NCOA2: variants seen among roughly 807,000 people sequenced by gnomAD.
The protein encoded by NCOA2 is nuclear receptor coactivator 2.
Under a neutral mutation model 145.1 loss-of-function variants are expected in NCOA2, and 21 were observed. That is an observed-to-expected ratio of 0.14 (90% confidence interval 0.10 to 0.21). The LOEUF is 0.21. Ranked by LOEUF, NCOA2 falls within the 10% of genes least tolerant of loss-of-function variation. The pLI is 1.00. For synonymous variants in NCOA2, 619 were observed against 637.5 expected, an observed-to-expected ratio of 0.97 and a Z score of 0.44; for missense variants, 1,472 against 1,837.6, an observed-to-expected ratio of 0.80 and a Z score of 3.64.
intron 1 of NCOA2, among the ~76,000 whole-genome samples, chr8:70,355,134 C>A (rs750300509): frequency 2.6e-5 from 4 of 152,212 alleles, no homozygotes; most frequent in Non-Finnish European, 5.9e-5. Flanking sequence ...AATTGTACTT[C>A]TATCTCTATT....
chr8:70,228,397 G>A (rs987594194), intron 2 of NCOA2, among the ~76,000 whole-genome samples: 2 of 152,190 alleles, frequency 1.3e-5, no homozygotes, highest in South Asian at 2.1e-4. Context: ...GACAAACTTT[G>A]TGAAGAGCAC....
chr8:70,160,733 G>A (rs964152963), intron 9 of NCOA2, among the ~76,000 whole-genome samples: 4 of 149,018 alleles, frequency 2.7e-5, no homozygotes, highest in Admixed American at 6.7e-5. Flanking sequence ...TAATTTCTTC[G>A]TAAAATTTCA....
chr8:70,152,533 T>G (rs909706047), intron 11 of NCOA2, among the ~76,000 whole-genome samples: 6 of 152,246 alleles, frequency 3.9e-5, no homozygotes, highest in African/African-American at 1.4e-4. Context: ...AAATTCTTTT[T>G]AGACTATTTC....
chr8:70,389,957 T>G (rs1358887376), intron 1 of NCOA2, among the ~76,000 whole-genome samples: 1 of 152,178 alleles, frequency 6.6e-6, no homozygotes, highest in Admixed American at 6.5e-5. Flanking sequence ...TGAGCCACCA[T>G]ATCCGGCCAT....
chr8:70,247,673 T>C (rs1563676774), intron 2 of NCOA2, among the ~76,000 whole-genome samples: 1 of 152,174 alleles, frequency 6.6e-6, no homozygotes, highest in Non-Finnish European at 1.5e-5. Context: ...TTGGCAATCT[T>C]ATAGATCACT....
chr8:70,330,582 A>C (rs1034702566), intron 1 of NCOA2, among the ~76,000 whole-genome samples: 12 of 150,944 alleles, frequency 7.9e-5, no homozygotes, highest in Admixed American at 3.3e-4. Flanking sequence ...AAAAAAAAAA[A>C]CCCCAAAAAA....
chr8:70,302,728 A>G (rs1827602164), intron 1 of NCOA2, among the ~76,000 whole-genome samples: 3 of 152,232 alleles, frequency 2.0e-5, no homozygotes. Context: ...ACTCAGTTTA[A>G]TAAAAAGCTT....
chr8:70,153,618 T>C (rs1015048450), intron 11 of NCOA2, among the ~76,000 whole-genome samples: 1 of 152,178 alleles, frequency 6.6e-6, no homozygotes, highest in Non-Finnish European at 1.5e-5. Flanking sequence ...CCCTCCAGCA[T>C]GTGTCAAGAG....
At chr8:70,126,129 T>C (rs994863591) in intron 19 of NCOA2, among the ~76,000 whole-genome samples, 2 of 151,910 alleles carry the variant, frequency 1.3e-5, no homozygotes, top group East Asian at 1.9e-4. Flanking sequence ...GGGAAAGTCA[T>C]TTTTGAATAT....
the NCOA2 span, among the ~76,000 whole-genome samples, chr8:70,444,367 C>T: frequency 5.1e-3 from 776 of 152,262 alleles, 8 homozygotes; most frequent in African/African-American, 0.018. Context: ...GTGGCTGTGG[C>T]TGTGGCTATA....
At chr8:70,382,834 CA>C (rs946973147) in intron 1 of NCOA2, among the ~76,000 whole-genome samples, 2 of 152,168 alleles carry the variant, frequency 1.3e-5, no homozygotes, top group Non-Finnish European at 2.9e-5. Flanking sequence ...ACTGTAGGAT[CA>C]GCCGTGTTAA....
intron 2 of NCOA2, chr8:70,273,711 G>T (rs1825246997): frequency 1.6e-6 from 1 of 629,824 alleles, no homozygotes; most frequent in Non-Finnish European, 3.0e-6. Flanking sequence ...ACTAGTTTAA[G>T]GACTGGCTGA....
chr8:70,450,573 C>CTTTGTTTTTT, the NCOA2 span, among the ~76,000 whole-genome samples: 1 of 94,652 alleles, frequency 1.1e-5, no homozygotes, highest in Non-Finnish European at 1.9e-5. Context: ...TCTTTTTATT[C>CTTTGTTTTTT]TTTTTTTTTT....
chr8:70,307,874 T>C (rs1278128847), intron 1 of NCOA2, among the ~76,000 whole-genome samples: 2 of 152,262 alleles, frequency 1.3e-5, no homozygotes, highest in Non-Finnish European at 2.9e-5. Context: ...AGTAAATCTA[T>C]TTTTGTTTTA....
At chr8:70,290,608 TG>T (rs1826598536) in intron 2 of NCOA2, among the ~76,000 whole-genome samples, 1 of 152,206 alleles carries the variant, frequency 6.6e-6, no homozygotes, top group Admixed American at 6.5e-5. Flanking sequence ...TTAATTTCTC[TG>T]GTTTTCTCCC....
At chr8:70,232,234 T>C (rs1267998777) in intron 2 of NCOA2, among the ~76,000 whole-genome samples, 1 of 152,146 alleles carries the variant, frequency 6.6e-6, no homozygotes, top group East Asian at 1.9e-4. Flanking sequence ...CCTCCCCACC[T>C]GCAGCCACCT....
chr8:70,428,766 AG>A, the NCOA2 span, among the ~76,000 whole-genome samples: 3 of 152,194 alleles, frequency 2.0e-5, no homozygotes, highest in Non-Finnish European at 4.4e-5. Context: ...GTGTGCCCAA[AG>A]CAAGGCAGCA....
intron 2 of NCOA2, among the ~76,000 whole-genome samples, chr8:70,246,380 A>G (rs1020629188): frequency 6.6e-6 from 1 of 152,174 alleles, no homozygotes; most frequent in African/African-American, 2.4e-5. Context: ...GTAAGGAACT[A>G]CGCTCAAGTG....
At chr8:70,304,402 G>A (rs1484851413) in intron 1 of NCOA2, among the ~76,000 whole-genome samples, 15 of 152,092 alleles carry the variant, frequency 9.9e-5, no homozygotes, top group Admixed American at 9.8e-4. Flanking sequence ...ATCTAGGTTT[G>A]TGTAAGTACA....
Sources: allele counts gnomAD v4.1 joint callset (sites outside exome capture counted in the v4.1 genomes callset), GRCh38; gene constraint gnomAD v4.1.1; transcripts MANE v1.5; gene names NCBI Gene and HGNC (gene_info 2026-07-23, HGNC 2026-07-21).